The following USP6NL variants were observed in gnomAD, a reference collection of about 807,000 sequenced individuals.
USP6NL encodes USP6 N-terminal like, also known as USP6 N-terminal-like protein.
A neutral mutation model predicts 61.9 loss-of-function variants in USP6NL; 26 were observed. The observed-to-expected ratio is 0.42, with a 90% CI of 0.31 to 0.58. The LOEUF is 0.58. USP6NL is among the 20% of genes least tolerant of loss of function. The pLI, the probability that USP6NL is intolerant of heterozygous loss-of-function variation, is 0.16. For missense variants in USP6NL, 1,114 were observed against 1,034.3 expected (o/e 1.08, Z -1.06); for synonymous variants, 432 against 390.1 (o/e 1.11, Z -1.27).
rs1443837339 is a variant in USP6NL at position 11,528,797 on chromosome 10, G to T, written c.5-1230C>A. ...AAATCCCCTCCTCAAAGCAAATGGT[G>T]GTTCCTAAGGAGAGGTGGGGTTAAA... On this transcript the variant is annotated intron_variant, in intron 2 of 14. Transcript: ENST00000609104. The surrounding 1 kb of genome is among the most constrained non-coding windows in gnomAD (Gnocchi z 4.6). 2.0e-5 allele frequency among the ~76,000 whole-genome samples: 3 copies of T among 152,144 alleles called. No homozygotes were observed. The highest frequency in any genetic ancestry group is 4.4e-5 in the Non-Finnish European group (3 of 68,016).
rs1835087487 is a variant in USP6NL, at chr10:11,518,976, T to C, written c.156-402A>G. On this transcript the variant is annotated intron_variant, in intron 4 of 14. Transcript: ENST00000609104. This position sits in a 1 kb window ranked among gnomAD's most constrained non-coding sequence, Gnocchi z 5.3. ...AGAAAGGTCCACTGGACAGCACTGC[T>C]CCAGACTAGGAGTGAGCAAACTTCT... Among the ~76,000 whole-genome samples, 1 of 152,222 alleles carries C rather than the reference T, an allele frequency of 6.6e-6. No homozygotes were observed. Among genetic ancestry groups the C allele is most frequent in the African/African-American group, 2.4e-5 (1 of 41,462 alleles).
intron 7 of USP6NL, among the ~76,000 whole-genome samples, chr10:11,498,290 C>T (rs960579812): frequency 1.4e-5 from 2 of 140,708 alleles, no homozygotes; most frequent in Non-Finnish European, 3.1e-5. Context: ...GTTTGGCCTA[C>T]GAGATTACTG....
chr10:11,602,535 T>C lies in USP6NL; in HGVS notation c.-83-4818A>G, dbSNP rs892257002. Among the ~76,000 whole-genome samples the C allele has an allele frequency of 1.3e-5, 2 of 152,210 alleles. No homozygotes were observed. The highest frequency in any genetic ancestry group is 2.9e-5 in the Non-Finnish European group (2 of 68,036). ...GAACAAAGCCAAGTCTCTCGCATCA[T>C]GGAATGTACAGCACAGTAATTTCAG... On this transcript the variant is annotated intron_variant, in intron 1 of 14. Transcript: ENST00000609104. This position sits in a 1 kb window ranked among gnomAD's most constrained non-coding sequence, Gnocchi z 4.8.
rs1566129204 is a variant in USP6NL at position 11,489,190 on chromosome 10, G to A, written c.576C>T (p.Ile192=). The change falls in exon 10 of 15, where the codon ATC becomes ATT. Residue 192 remains isoleucine, a synonymous_variant. Coordinates refer to ENST00000609104, the MANE Select transcript of USP6NL (RefSeq NM_014688.5). The surrounding 1 kb of genome is among the most constrained non-coding windows in gnomAD (Gnocchi z 5.7). ...TCATATACATGAGGAGTAAAGCTGT[G>A]ATCTGGCTCATCCCCTGACAATACC... ...EVGYCQGMSQ[I]TALLLMYMNE... is the part of the protein sequence containing the mutation. 1 of 1,613,928 alleles carries A rather than the reference G, an allele frequency of 6.2e-7. No homozygotes were observed. The highest frequency in any genetic ancestry group is 8.5e-7 in the Non-Finnish European group (1 of 1,179,840).
chr10:11,593,973 A>C (rs1838239180), intron 2 of USP6NL, among the ~76,000 whole-genome samples: 1 of 152,210 alleles, frequency 6.6e-6, no homozygotes, highest in African/African-American at 2.4e-5. Flanking sequence ...TCTTTCTTTT[A>C]ATCTCCAGAA....
chr10:11,572,314 G>A (rs946238488), intron 2 of USP6NL, among the ~76,000 whole-genome samples: 2 of 152,036 alleles, frequency 1.3e-5, no homozygotes, highest in Non-Finnish European at 2.9e-5. Flanking sequence ...AGATGGGAAT[G>A]TAGTTTTCTA....
rs1398514363 is a variant in USP6NL at position 11,481,688 on chromosome 10, G to A, written c.1078+82C>T. ...CACAAGTATAATGCTTACGCTGTGG[G>A]CAAGAAACAGCCCATGTTAATTATG... On this transcript the variant is annotated intron_variant, in intron 14 of 14. Coordinates refer to ENST00000609104, the MANE Select transcript of USP6NL (RefSeq NM_014688.5). The surrounding 1 kb of genome is among the most constrained non-coding windows in gnomAD (Gnocchi z 4.4). 7.0e-7 allele frequency: 1 copy of A among 1,419,652 alleles called. No individual in the cohort carries two copies. Among genetic ancestry groups the A allele is most frequent in the South Asian group, 1.6e-5 (1 of 63,452 alleles). The allele number at this position is 1,419,652 out of a possible 1,614,324, so 87.9% of individuals were successfully genotyped here.
chr10:11,571,043 T>C (rs955693595), intron 2 of USP6NL, among the ~76,000 whole-genome samples: 1 of 152,042 alleles, frequency 6.6e-6, no homozygotes, highest in Non-Finnish European at 1.5e-5. Context: ...ATTCATCTAG[T>C]CTTTCATTCA....
At chr10:11,475,465 A>G (rs12570688) in intron 14 of USP6NL, among the ~76,000 whole-genome samples, 16,341 of 151,960 alleles carry the variant, frequency 0.11, 1,387 homozygotes, top group East Asian at 0.43. Flanking sequence ...GCGTGGTGGC[A>G]TATGCCTATA....
chr10:11,590,014 C>T (rs1256310661), intron 2 of USP6NL, among the ~76,000 whole-genome samples: 1 of 152,170 alleles, frequency 6.6e-6, no homozygotes, highest in African/African-American at 2.4e-5. Context: ...GAGAAGTTTT[C>T]ATTTTCACCT....
In USP6NL at chr10:11,493,134, T is replaced by C. The variant is rs1395425911; in HGVS notation, c.479A>G (p.Asp160Gly). The C allele has an allele frequency of 2.5e-6, 4 of 1,608,990 alleles. No individual in the cohort carries two copies. The highest frequency in any genetic ancestry group is 1.3e-5 in the African/African-American group (1 of 74,858). Residue 160 changes from aspartate to glycine, a missense_variant, in exon 8 of 15, where the codon GAC becomes GGC. By Grantham distance (94) the Asp-to-Gly change is moderately conservative. Transcript: ENST00000609104. ...CTTTACTCACTTAACACCATATCTG[T>C]CTCTAAACATAATGTGGTCCCGAAA... ...RTFRDHIMFR[D>G]RYGVKQQSLF...
In USP6NL at chr10:11,592,740, G is replaced by A. The variant is rs755268139; in HGVS notation, c.4+4891C>T. ...CTACTGTCCTAGAGAGTTTTAGCCAGTACTTATGGGAAGTCTTCTGTTACT... is the reference window on the plus strand; with the variant it reads ...CTACTGTCCTAGAGAGTTTTAGCCAATACTTATGGGAAGTCTTCTGTTACT... On this transcript the variant is annotated intron_variant, in intron 2 of 14. Coordinates refer to ENST00000609104, the MANE Select transcript of USP6NL (RefSeq NM_014688.5). The surrounding 1 kb of genome is among the most constrained non-coding windows in gnomAD (Gnocchi z 4.7). 1.3e-5 allele frequency among the ~76,000 whole-genome samples: 2 copies of A among 152,164 alleles called. No individual in the cohort carries two copies. The highest frequency in any genetic ancestry group is 2.9e-5 in the Non-Finnish European group (2 of 68,028).
rs1323840382 is a variant in USP6NL, at chr10:11,595,960, G to A, written c.4+1671C>T. Among the ~76,000 whole-genome samples, 2 of 152,154 alleles carry A rather than the reference G, an allele frequency of 1.3e-5. No homozygotes were observed. The highest frequency in any genetic ancestry group is 4.8e-5 in the African/African-American group (2 of 41,430). On this transcript the variant is annotated intron_variant, in intron 2 of 14. Coordinates refer to ENST00000609104, the MANE Select transcript of USP6NL (RefSeq NM_014688.5). This position sits in a 1 kb window ranked among gnomAD's most constrained non-coding sequence, Gnocchi z 5.3. ...AATTTAAAGGTGAAAAATGTTATGTGGTTCAAACACTATTAGTTGCTTGGC... is the reference window on the plus strand; with the variant it reads ...AATTTAAAGGTGAAAAATGTTATGTAGTTCAAACACTATTAGTTGCTTGGC...
Position 11,485,686 on chromosome 10 carries a change from T to A in USP6NL, c.759+131A>T. The A allele has an allele frequency of 4.8e-6, 3 of 629,332 alleles. No individual in the cohort carries two copies. Among genetic ancestry groups the A allele is most frequent in the Non-Finnish European group, 8.0e-6 (3 of 372,938 alleles). 39.0% of individuals were successfully genotyped at this position (629,332 alleles called of 1,614,324 possible). On this transcript the variant is annotated intron_variant, in intron 11 of 14. Coordinates refer to ENST00000609104, the MANE Select transcript of USP6NL (RefSeq NM_014688.5). The surrounding 1 kb of genome is among the most constrained non-coding windows in gnomAD (Gnocchi z 4.8). Reference sequence around the variant, plus strand: ...TAATGGTTTGTAAACAACTGGGAATTATAACTGCATAGTAAATGAAATGGA... The same window carrying A: ...TAATGGTTTGTAAACAACTGGGAATAATAACTGCATAGTAAATGAAATGGA...
chr10:11,555,108 G>GT (rs1566177659), intron 2 of USP6NL, among the ~76,000 whole-genome samples: 4 of 100,698 alleles, frequency 4.0e-5, no homozygotes, highest in Non-Finnish European at 8.7e-5. Context: ...TTTTTTTTTT[G>GT]GTTTTTTTTT....
At position 11,474,924 on chromosome 10, in the gene USP6NL, A is replaced by T. The variant is rs540802045; in HGVS notation, c.1078+6846T>A. On this transcript the variant is annotated intron_variant, in intron 14 of 14. Coordinates refer to ENST00000609104, the MANE Select transcript of USP6NL (RefSeq NM_014688.5). The surrounding 1 kb of genome is among the most constrained non-coding windows in gnomAD (Gnocchi z 4.9). ...CTATACCTTACACTAAGGAGTGTGGATGTTCTCCCGTAAGCACTGAAGTAC... is the reference window on the plus strand; with the variant it reads ...CTATACCTTACACTAAGGAGTGTGGTTGTTCTCCCGTAAGCACTGAAGTAC... Among the ~76,000 whole-genome samples, 1 of 152,310 alleles carries T rather than the reference A, an allele frequency of 6.6e-6. No individual in the cohort carries two copies. Among genetic ancestry groups the T allele is most frequent in the African/African-American group, 2.4e-5 (1 of 41,578 alleles).
At chr10:11,526,628 G>A (rs1835432121) in intron 3 of USP6NL, among the ~76,000 whole-genome samples, 1 of 152,228 alleles carries the variant, frequency 6.6e-6, no homozygotes, top group South Asian at 2.1e-4. Flanking sequence ...TATGCCTCAT[G>A]GAAGCAGGAC....
At position 11,481,513 on chromosome 10, in the gene USP6NL, T is replaced by A. The variant is rs1833199282; in HGVS notation, c.1078+257A>T. Among the ~76,000 whole-genome samples the A allele has an allele frequency of 6.6e-6, 1 of 152,242 alleles. No homozygotes were observed. Among genetic ancestry groups the A allele is most frequent in the African/African-American group, 2.4e-5 (1 of 41,478 alleles). On this transcript the variant is annotated intron_variant, in intron 14 of 14. Transcript: ENST00000609104. The surrounding 1 kb of genome is among the most constrained non-coding windows in gnomAD (Gnocchi z 4.4). ...GGCTACTTCTGTTGAACAACAGTAT[T>A]TGCCAACCAAACTTCTAAATGTAAG... is the stretch of plus-strand genomic sequence containing the variant.
intron 5 of USP6NL, among the ~76,000 whole-genome samples, chr10:11,514,245 C>G (rs961524842): frequency 1.7e-5 from 2 of 119,286 alleles, no homozygotes; most frequent in African/African-American, 5.3e-5. Flanking sequence ...AATTATGGGG[C>G]GCATATCATG....
Sources: gnomAD v4.1 joint callset for allele counts (sites outside exome capture counted in the v4.1 genomes callset) on GRCh38, gnomAD v4.1.1 for gene constraint, Gnocchi (gnomAD v3.1) non-coding constraint, MANE v1.5 for transcripts, NCBI Gene and HGNC (gene_info 2026-07-23, HGNC 2026-07-21) for gene names.